Variants in NME7 observed in about 807,000 individuals in gnomAD.
NME7 encodes NME/NM23 family member 7, also known as nucleoside diphosphate kinase 7.
A neutral mutation model predicts 49.1 loss-of-function variants in NME7; 41 were observed. The ratio of observed to expected loss-of-function variants is 0.83; its 90% CI spans 0.65 to 1.08. The LOEUF is 1.08. NME7 is among the 50% of genes least tolerant of loss of function. The pLI is 0.00. For missense variants in NME7, 423 were observed against 463.4 expected (o/e 0.91, Z 0.80); for synonymous variants, 139 against 150.6 (o/e 0.92, Z 0.56).
chr1:169,183,584 G>T lies in NME7; in HGVS notation c.991-14030C>A, dbSNP rs1659986558. ...TGGGAGGCTGAGGCGGGCGGATCAC[G>T]AGGTCAGGAGATTGAGACCATCCTG... On this transcript the variant is annotated intron_variant, in intron 10 of 11. Coordinates refer to ENST00000367811, the MANE Select transcript of NME7 (RefSeq NM_013330.5). Among the ~76,000 whole-genome samples, 2 of 152,062 alleles carry T rather than the reference G, an allele frequency of 1.3e-5. 1 individual carries two copies. The highest frequency in any genetic ancestry group is 4.1e-4 in the South Asian group (2 of 4,824).
At chr1:169,137,015 C>A (rs1658453040) in intron 11 of NME7, among the ~76,000 whole-genome samples, 1 of 152,152 alleles carries the variant, frequency 6.6e-6, no homozygotes, top group Non-Finnish European at 1.5e-5. Context: ...ATTCCAGCAC[C>A]AAATTAAAAT....
intron 7 of NME7, among the ~76,000 whole-genome samples, chr1:169,283,175 C>T (rs1284431920): frequency 6.6e-6 from 1 of 151,928 alleles, no homozygotes; most frequent in African/African-American, 2.4e-5. Context: ...ACTTCTTGTG[C>T]ATTGTTCCCT....
chr1:169,343,679 C>G (rs1168586125), intron 1 of NME7, among the ~76,000 whole-genome samples: 1 of 151,850 alleles, frequency 6.6e-6, no homozygotes, highest in Non-Finnish European at 1.5e-5. Context: ...ATTTTTATAG[C>G]AGACAGGGCT....
At chr1:169,192,309 T>C (rs1339933631) in intron 10 of NME7, among the ~76,000 whole-genome samples, 1 of 152,062 alleles carries the variant, frequency 6.6e-6, no homozygotes, top group Admixed American at 6.6e-5. Flanking sequence ...TCTGTATCCG[T>C]GAACACAAAC....
intron 1 of NME7, among the ~76,000 whole-genome samples, chr1:169,335,477 A>G (rs1652422721): frequency 6.6e-6 from 1 of 151,822 alleles, no homozygotes; most frequent in Non-Finnish European, 1.5e-5. Flanking sequence ...CAAATACTAC[A>G]CATTCTCACT....
At chr1:169,231,343 T>A (rs1399394627) in intron 9 of NME7, among the ~76,000 whole-genome samples, 1 of 152,114 alleles carries the variant, frequency 6.6e-6, no homozygotes, top group African/African-American at 2.4e-5. Flanking sequence ...TGGAAACAGA[T>A]TAGGTGAGCT....
At chr1:169,226,090 T>C (rs1214761759) in intron 10 of NME7, among the ~76,000 whole-genome samples, 1 of 152,190 alleles carries the variant, frequency 6.6e-6, no homozygotes, top group Admixed American at 6.5e-5. Context: ...ATTAGGTACC[T>C]GGCCATCTTC....
chr1:169,354,962 ATATAATATAATTATATAT>A (rs1653337413), intron 1 of NME7, among the ~76,000 whole-genome samples: 1 of 39,998 alleles, frequency 2.5e-5, no homozygotes, highest in Non-Finnish European at 6.2e-5. Flanking sequence ...ATATGTTTAT[ATATAATATAATTATATAT>A]GTTTATATAT....
At chr1:169,329,651 C>T (rs1173261453) in intron 1 of NME7, among the ~76,000 whole-genome samples, 2 of 150,160 alleles carry the variant, frequency 1.3e-5, no homozygotes, top group East Asian at 3.9e-4. Flanking sequence ...ACAGAGGAGA[C>T]AAAAAAAGAA....
chr1:169,282,069 G>T (rs984028426), intron 7 of NME7, among the ~76,000 whole-genome samples: 1 of 152,038 alleles, frequency 6.6e-6, no homozygotes, highest in African/African-American at 2.4e-5. Flanking sequence ...CTGTGAATCT[G>T]TCTGGTCCTG....
At chr1:169,312,564 T>C (rs1381607867) in intron 3 of NME7, among the ~76,000 whole-genome samples, 2 of 152,224 alleles carry the variant, frequency 1.3e-5, no homozygotes, top group South Asian at 2.1e-4. Flanking sequence ...TAACTACTTC[T>C]TGTGAAAAAA....
chr1:169,181,619 TAACA>T (rs1423913270), intron 10 of NME7, among the ~76,000 whole-genome samples: 1 of 152,298 alleles, frequency 6.6e-6, no homozygotes, highest in South Asian at 2.1e-4. Flanking sequence ...TCCCATCACT[TAACA>T]AATAGACAAT....
At chr1:169,282,792 T>C (rs1478203580) in intron 7 of NME7, among the ~76,000 whole-genome samples, 2 of 152,202 alleles carry the variant, frequency 1.3e-5, no homozygotes, top group Non-Finnish European at 2.9e-5. Flanking sequence ...AGTTCTAATT[T>C]GATTGCACTG....
At chr1:169,336,135 G>A (rs911673297) in intron 1 of NME7, among the ~76,000 whole-genome samples, 1 of 151,940 alleles carries the variant, frequency 6.6e-6, no homozygotes, top group African/African-American at 2.4e-5. Flanking sequence ...TTTGCGGTGA[G>A]TGTTACAGCT....
chr1:169,152,598 G>A (rs1352720872), intron 11 of NME7, among the ~76,000 whole-genome samples: 3 of 152,258 alleles, frequency 2.0e-5, no homozygotes, highest in South Asian at 2.1e-4. Context: ...AACACACAAG[G>A]TCACTGTTCT....
rs1558029003 is a variant in NME7 at position 169,298,993 on chromosome 1, C to A, written c.441-230G>T. The stretch of plus-strand genomic sequence containing the variant: ...CACTAGTAATGTCAAATTACTGTTA[C>A]CAGAAAAATCACTGTTCTGTTGAAT... On this transcript the variant is annotated intron_variant, in intron 5 of 11. Transcript: ENST00000367811. Among the ~76,000 whole-genome samples the A allele has an allele frequency of 2.0e-5, 3 of 152,048 alleles. No individual in the cohort carries two copies. The South Asian group carries it at 6.2e-4, about 31-fold the overall frequency.
intron 10 of NME7, among the ~76,000 whole-genome samples, chr1:169,211,377 G>T (rs1660813384): frequency 6.6e-6 from 1 of 152,060 alleles, no homozygotes; most frequent in African/African-American, 2.4e-5. Context: ...AATCCAATCA[G>T]TTAACGTTTC....
intron 1 of NME7, among the ~76,000 whole-genome samples, chr1:169,349,467 C>A (rs1215412131): frequency 6.6e-6 from 1 of 152,170 alleles, no homozygotes; most frequent in African/African-American, 2.4e-5. Context: ...TCAGTGAATT[C>A]TCTTCCATTG....
chr1:169,248,720 A>T (rs1167081786), intron 7 of NME7, among the ~76,000 whole-genome samples: 2 of 152,142 alleles, frequency 1.3e-5, no homozygotes, highest in African/African-American at 4.8e-5. Context: ...TCCCAGCATT[A>T]TTTATTAAAT....
Sources: gnomAD v4.1 joint callset for allele counts (sites outside exome capture counted in the v4.1 genomes callset) on GRCh38, gnomAD v4.1.1 for gene constraint, MANE v1.5 for transcripts, NCBI Gene and HGNC (gene_info 2026-07-23, HGNC 2026-07-21) for gene names.